The following SORCS2 variants were observed in gnomAD, a reference collection of about 807,000 sequenced individuals.
SORCS2 encodes the protein VPS10 domain-containing receptor SorCS2.
A neutral mutation model predicts 141.6 loss-of-function variants in SORCS2; 100 were observed. That is an observed-to-expected ratio of 0.71 (90% confidence interval 0.60 to 0.83). SORCS2 has a LOEUF of 0.83. SORCS2 is among the 40% of genes least tolerant of loss of function. The pLI, the probability that SORCS2 is intolerant of heterozygous loss-of-function variation, is 0.00. For synonymous variants in SORCS2, 789 were observed against 676.9 expected (o/e 1.17, Z -2.57); for missense variants, 1,646 against 1,560.2 (o/e 1.05, Z -0.93).
intron 11 of SORCS2, among the ~76,000 whole-genome samples, chr4:7,696,828 G>A (rs1211345052): frequency 6.6e-6 from 1 of 152,206 alleles, no homozygotes; most frequent in Non-Finnish European, 1.5e-5. Flanking sequence ...GTCCTGCCCT[G>A]CTTTCAAGCC....
At chr4:7,250,044 C>G (rs1306669917) in intron 1 of SORCS2, among the ~76,000 whole-genome samples, 1 of 152,070 alleles carries the variant, frequency 6.6e-6, no homozygotes, top group East Asian at 1.9e-4. Context: ...GAGTTTGAGA[C>G]CAGTCTGGCC....
At chr4:7,345,573 G>A (rs1028596585) in intron 1 of SORCS2, among the ~76,000 whole-genome samples, 2 of 150,126 alleles carry the variant, frequency 1.3e-5, no homozygotes, top group Non-Finnish European at 2.9e-5. Context: ...CTCTAGACAA[G>A]TCCTAGGACC....
At chr4:7,343,173 C>T (rs58176619) in intron 1 of SORCS2, among the ~76,000 whole-genome samples, 46 of 152,340 alleles carry the variant, frequency 3.0e-4, no homozygotes, top group African/African-American at 1.0e-3. Flanking sequence ...CATTGGCAAA[C>T]GTGCCAGTCG....
intron 1 of SORCS2, among the ~76,000 whole-genome samples, chr4:7,360,819 A>C (rs908092266): frequency 6.6e-6 from 1 of 151,544 alleles, no homozygotes; most frequent in Admixed American, 6.6e-5. Context: ...TCCTGAGCTC[A>C]AGCGATGCTC....
rs1006520156 is a variant in SORCS2, at chr4:7,293,276, C to A, written c.480+100150C>A. On this transcript the variant is annotated intron_variant, in intron 1 of 26. Coordinates refer to ENST00000507866, the MANE Select transcript of SORCS2 (RefSeq NM_020777.3). ...CCGAGATCGCGCCACTGCACTCTAG[C>A]CTGGGCGAAAGAGCAAGACTCCATC... Among the ~76,000 whole-genome samples, 7 of 151,236 alleles carry A rather than the reference C, an allele frequency of 4.6e-5. No homozygotes were observed. The South Asian group carries it at 1.0e-3, about 23-fold the overall frequency.
intron 1 of SORCS2, among the ~76,000 whole-genome samples, chr4:7,333,935 C>T (rs760328148): frequency 2.2e-4 from 33 of 151,976 alleles, no homozygotes; most frequent in African/African-American, 4.1e-4. Context: ...CCTCTGATCC[C>T]GCTTCTCCCA....
chr4:7,465,009 G>C (rs911920409), intron 2 of SORCS2, among the ~76,000 whole-genome samples: 7 of 152,256 alleles, frequency 4.6e-5, no homozygotes, highest in Non-Finnish European at 1.0e-4. Context: ...TGGGGGTTCT[G>C]CCCAGGTTAT....
At chr4:7,438,473 G>A (rs1204252999) in intron 2 of SORCS2, among the ~76,000 whole-genome samples, 2 of 152,160 alleles carry the variant, frequency 1.3e-5, no homozygotes, top group Admixed American at 6.5e-5. Flanking sequence ...CTGAAAATAT[G>A]TAACTATCTT....
intron 1 of SORCS2, among the ~76,000 whole-genome samples, chr4:7,385,435 C>A (rs1317628325): frequency 6.6e-6 from 1 of 152,208 alleles, no homozygotes; most frequent in East Asian, 1.9e-4. Context: ...AGGGAAGGGG[C>A]CAGCAGGAAG....
At chr4:7,400,980 T>C (rs1724551058) in intron 2 of SORCS2, among the ~76,000 whole-genome samples, 1 of 151,908 alleles carries the variant, frequency 6.6e-6, no homozygotes, top group Non-Finnish European at 1.5e-5. Context: ...GATGAATGGA[T>C]AGATGAATGA....
chr4:7,372,342 T>G (rs1722311026), intron 1 of SORCS2, among the ~76,000 whole-genome samples: 1 of 152,234 alleles, frequency 6.6e-6, no homozygotes. Flanking sequence ...GTTTCACTCT[T>G]GTTGCCCAGG....
intron 1 of SORCS2, among the ~76,000 whole-genome samples, chr4:7,283,830 C>T (rs970438626): frequency 2.6e-5 from 4 of 152,060 alleles, no homozygotes. Flanking sequence ...GGGGCAGGAC[C>T]AGAACCTGGG....
chr4:7,720,038 C>T (rs919140076), intron 18 of SORCS2, among the ~76,000 whole-genome samples: 1 of 152,162 alleles, frequency 6.6e-6, no homozygotes, highest in Non-Finnish European at 1.5e-5. Flanking sequence ...GGTACACACG[C>T]TCACACATAC....
At chr4:7,351,609 C>T (rs1284663038) in intron 1 of SORCS2, among the ~76,000 whole-genome samples, 1 of 152,154 alleles carries the variant, frequency 6.6e-6, no homozygotes, top group Non-Finnish European at 1.5e-5. Flanking sequence ...ACAGTTCATG[C>T]TCCTCTGAAA....
intron 1 of SORCS2, among the ~76,000 whole-genome samples, chr4:7,264,638 T>A (rs1318829943): frequency 3.3e-5 from 5 of 152,178 alleles, no homozygotes; most frequent in Non-Finnish European, 7.4e-5. Context: ...GCTGTTCTTC[T>A]CCTGTGATTG....
intron 3 of SORCS2, among the ~76,000 whole-genome samples, chr4:7,611,343 A>G (rs1007233012): frequency 6.6e-6 from 1 of 152,148 alleles, no homozygotes; most frequent in African/African-American, 2.4e-5. Flanking sequence ...CCTGGCTGAG[A>G]TGAGTGGGGT....
intron 14 of SORCS2, among the ~76,000 whole-genome samples, chr4:7,706,242 C>CGCCTGGGCAGGGATGAGGCTGCGCTCT (rs1725444489): frequency 1.4e-5 from 1 of 70,996 alleles, no homozygotes; most frequent in Admixed American, 1.6e-4. Flanking sequence ...GGCTGCGCTC[C>CGCCTGGGCAGGGATGAGGCTGCGCTCT]GCCTGGGCAG....
intron 1 of SORCS2, among the ~76,000 whole-genome samples, chr4:7,238,961 G>C (rs1468105720): frequency 1.3e-5 from 2 of 152,220 alleles, no homozygotes; most frequent in Non-Finnish European, 2.9e-5. Flanking sequence ...ATCCGTGGCT[G>C]CATCTGCCCC....
Position 7,496,114 on chromosome 4 carries a change from C to A in SORCS2, c.549-35416C>A, listed in dbSNP as rs574769864. ...GATTTGGAGCTCTCTTGAGAGTGAA[C>A]CTGTCTTGCTTCCAGAAGGTTCTTC... On this transcript the variant is annotated intron_variant, in intron 2 of 26. Transcript: ENST00000507866. Among the ~76,000 whole-genome samples the A allele has an allele frequency of 5.9e-3, 896 of 152,246 alleles. 7 individuals carry two copies. Among genetic ancestry groups the A allele is most frequent in the Middle Eastern group, 0.014 (4 of 294 alleles).
Sources: gnomAD v4.1 joint callset for allele counts (sites outside exome capture counted in the v4.1 genomes callset) on GRCh38, gnomAD v4.1.1 for gene constraint, MANE v1.5 for transcripts, NCBI Gene and HGNC (gene_info 2026-07-23, HGNC 2026-07-21) for gene names.